Variants in SNX29 observed in about 807,000 individuals in gnomAD.
The protein encoded by SNX29 is sorting nexin 29, also known as sorting nexin-29.
A neutral mutation model predicts 102.1 loss-of-function variants in SNX29; 78 were observed. That is an observed-to-expected ratio of 0.76 (90% CI 0.64 to 0.92). SNX29 has a LOEUF of 0.92. Among genes scored for constraint, SNX29 ranks in the 40% least tolerant of loss-of-function variants. SNX29 has a pLI of 0.00. For synonymous variants in SNX29, 580 were observed against 414.5 expected, an observed-to-expected ratio of 1.40 and a Z score of -4.85; for missense variants, 1,280 against 1,061.7, an observed-to-expected ratio of 1.21 and a Z score of -2.86.
chr16:12,268,144 C>T (rs1396261312), intron 14 of SNX29, among the ~76,000 whole-genome samples: 1 of 152,208 alleles, frequency 6.6e-6, no homozygotes, highest in Non-Finnish European at 1.5e-5. Flanking sequence ...CTAGCACTTG[C>T]AACCATCATT....
intron 20 of SNX29, among the ~76,000 whole-genome samples, chr16:12,564,404 T>C (rs1375372340): frequency 4.7e-5 from 7 of 149,214 alleles, no homozygotes; most frequent in Non-Finnish European, 8.9e-5. Flanking sequence ...TATGCATCAA[T>C]GATGTATGAT....
chr16:12,447,670 A>G (rs1439096434), intron 18 of SNX29, among the ~76,000 whole-genome samples: 2 of 152,196 alleles, frequency 1.3e-5, no homozygotes, highest in Admixed American at 1.3e-4. Flanking sequence ...AGCCTTTTGA[A>G]AATTCCCTGG....
intron 8 of SNX29, 96 bp from the exon 9 acceptor site, chr16:12,061,432 G>C (rs2050770167): frequency 5.1e-6 from 5 of 989,082 alleles, no homozygotes; most frequent in Non-Finnish European, 7.6e-6. Context: ...GCCTTGGCCT[G>C]GTTAGTTCTC....
chr16:12,419,502 C>T (rs1006343812), intron 18 of SNX29, among the ~76,000 whole-genome samples: 6 of 152,096 alleles, frequency 3.9e-5, no homozygotes, highest in South Asian at 2.1e-4. Flanking sequence ...CATTGACTTG[C>T]CTGATGGAAA....
intron 11 of SNX29, among the ~76,000 whole-genome samples, chr16:12,115,770 T>A (rs2053674229): frequency 6.6e-6 from 1 of 152,216 alleles, no homozygotes; most frequent in Non-Finnish European, 1.5e-5. Context: ...CTGCAATATG[T>A]TCCTCCTCGA....
chr16:12,570,285 T>C lies in SNX29; in HGVS notation c.*1656T>C. On this transcript the variant is annotated 3_prime_UTR_variant, in exon 21 of 21. Coordinates refer to ENST00000566228, the MANE Select transcript of SNX29 (RefSeq NM_032167.5). ...ATGGAGGTGCGGACCCTGCAGTCAG[T>C]TTGCGAGTGTGGAGGACCCGAGACA... 1 of 1,061,524 alleles carries C rather than the reference T, an allele frequency of 9.4e-7. No homozygotes were observed. The highest frequency in any genetic ancestry group is 1.1e-6 in the Non-Finnish European group (1 of 876,076). The allele number at this position is 1,061,524 out of a possible 1,614,324, so 65.8% of individuals were successfully genotyped here. A position where few individuals can be genotyped will look rare whatever the true frequency, so the allele number is the denominator to read the frequency against.
intron 18 of SNX29, among the ~76,000 whole-genome samples, chr16:12,432,241 G>A (rs4781239): frequency 0.4 from 60,209 of 152,106 alleles, 12,393 homozygotes; most frequent in Non-Finnish European, 0.46. Flanking sequence ...CCGCATTTAC[G>A]CATTCGCCAA....
chr16:12,106,502 G>A (rs1429010397), intron 11 of SNX29, among the ~76,000 whole-genome samples: 2 of 151,826 alleles, frequency 1.3e-5, no homozygotes, highest in African/African-American at 2.4e-5. Context: ...TTCAGACAGG[G>A]CCTTGCAGTC....
chr16:12,041,663 C>T (rs973825315), intron 4 of SNX29, among the ~76,000 whole-genome samples: 17 of 152,304 alleles, frequency 1.1e-4, no homozygotes, highest in African/African-American at 3.6e-4. Context: ...CTTTGCTTCT[C>T]TGGCCACATC....
chr16:12,236,892 C>T (rs1418856669), intron 14 of SNX29, among the ~76,000 whole-genome samples: 3 of 152,168 alleles, frequency 2.0e-5, no homozygotes, highest in Non-Finnish European at 4.4e-5. Context: ...GTGCTTGACA[C>T]GTGGTGAAGG....
At chr16:12,161,855 G>A (rs985161566) in intron 13 of SNX29, among the ~76,000 whole-genome samples, 1 of 152,138 alleles carries the variant, frequency 6.6e-6, no homozygotes, top group African/African-American at 2.4e-5. Flanking sequence ...CTAGAAGCAG[G>A]TGCTGGACCG....
chr16:12,035,515 C>CT (rs1391334968), intron 4 of SNX29, among the ~76,000 whole-genome samples: 1 of 152,192 alleles, frequency 6.6e-6, no homozygotes, highest in Non-Finnish European at 1.5e-5. Flanking sequence ...AGCTCAGCCC[C>CT]TTGTTGGCAC....
At chr16:12,041,712 C>T (rs921978989) in intron 4 of SNX29, among the ~76,000 whole-genome samples, 5 of 152,160 alleles carry the variant, frequency 3.3e-5, no homozygotes, top group African/African-American at 9.7e-5. Flanking sequence ...CTCTGCCTGC[C>T]TCTTATGAAG....
In SNX29 at chr16:12,477,654, A is replaced by T. The variant is rs1413343434; in HGVS notation, c.2038-65A>T. ...CAGTTGGTTTTCATGGGGAAAGCAT[A>T]GCCGAAATCCTACTCCTTTATAATA... On this transcript the variant is annotated intron_variant, in intron 18 of 20. Coordinates refer to ENST00000566228, the MANE Select transcript of SNX29 (RefSeq NM_032167.5). 11 of 1,581,404 alleles carry T rather than the reference A, an allele frequency of 7.0e-6. No individual in the cohort carries two copies. In the African/African-American group the frequency reaches 8.2e-5, roughly 12 times the overall value.
At chr16:12,485,844 G>A (rs1453223669) in intron 19 of SNX29, among the ~76,000 whole-genome samples, 1 of 152,198 alleles carries the variant, frequency 6.6e-6, no homozygotes, top group African/African-American at 2.4e-5. Flanking sequence ...AAGCAGAGAA[G>A]GCTTCCTGCA....
chr16:11,996,744 C>T (rs903142044), intron 1 of SNX29, among the ~76,000 whole-genome samples: 1 of 152,080 alleles, frequency 6.6e-6, no homozygotes, highest in African/African-American at 2.4e-5. Context: ...AGAATCCAAA[C>T]CCTGGATTCT....
chr16:12,060,859 A>C (rs1472595981), intron 8 of SNX29: 1 of 456,156 alleles, frequency 2.2e-6, no homozygotes, highest in African/African-American at 2.0e-5. Context: ...ACAGTATAAC[A>C]GATCATATGA....
chr16:12,545,800 G>T (rs1390501049), intron 20 of SNX29, among the ~76,000 whole-genome samples: 1 of 152,114 alleles, frequency 6.6e-6, no homozygotes, highest in East Asian at 1.9e-4. Flanking sequence ...TAGGCATACA[G>T]GGGCCTCCCT....
intron 15 of SNX29, among the ~76,000 whole-genome samples, chr16:12,338,910 G>A (rs2081531961): frequency 6.6e-6 from 1 of 152,212 alleles, no homozygotes; most frequent in Non-Finnish European, 1.5e-5. Context: ...CCAGATGGAG[G>A]ATTCATGATG....
Sources: allele counts gnomAD v4.1 joint callset (sites outside exome capture counted in the v4.1 genomes callset), GRCh38; gene constraint gnomAD v4.1.1; transcripts MANE v1.5; gene names NCBI Gene and HGNC (gene_info 2026-07-23, HGNC 2026-07-21).